The following SUPT3H variants were observed in gnomAD, a reference collection of about 807,000 sequenced individuals.
SUPT3H encodes transcription initiation protein SPT3 homolog.
SUPT3H carries 44 observed loss-of-function variants against 44.3 expected under a neutral mutation model. The observed-to-expected ratio is 0.99, with a 90% CI of 0.78 to 1.28. The LOEUF is 1.28. Ranked by LOEUF, SUPT3H falls within the 50% of genes most tolerant of loss-of-function variation. The probability of loss-of-function intolerance (pLI) is 0.00; values close to 1 mark genes in which losing one functional copy is unlikely to be tolerated. For missense variants in SUPT3H, 380 were observed against 387.1 expected (o/e 0.98, Z 0.15); for synonymous variants, 124 against 125.6 (o/e 0.99, Z 0.09).
intron 2 of SUPT3H, among the ~76,000 whole-genome samples, chr6:45,261,008 G>A (rs1196254203): frequency 6.6e-6 from 1 of 152,018 alleles, no homozygotes; most frequent in African/African-American, 2.4e-5. Context: ...GCCAGCTGAT[G>A]TTTATAACTG....
intron 10 of SUPT3H, among the ~76,000 whole-genome samples, chr6:44,888,661 A>T (rs923988537): frequency 2.7e-4 from 41 of 152,238 alleles, no homozygotes; most frequent in Non-Finnish European, 4.6e-4. Context: ...CCAATATCAT[A>T]CTGAATGGGC....
At chr6:45,201,160 G>C (rs1014277006) in intron 2 of SUPT3H, among the ~76,000 whole-genome samples, 9 of 151,410 alleles carry the variant, frequency 5.9e-5, no homozygotes, top group Admixed American at 1.3e-4. Flanking sequence ...TGAATGATAC[G>C]GGTAACATAA....
At chr6:45,336,387 C>T (rs1366895701) in intron 2 of SUPT3H, among the ~76,000 whole-genome samples, 1 of 151,302 alleles carries the variant, frequency 6.6e-6, no homozygotes, top group African/African-American at 2.4e-5. Context: ...ATAAAGTGAT[C>T]TGTTTTTAAC....
chr6:45,025,503 T>C (rs1785829130), intron 3 of SUPT3H, among the ~76,000 whole-genome samples: 1 of 152,230 alleles, frequency 6.6e-6, no homozygotes, highest in African/African-American at 2.4e-5. Flanking sequence ...AGTTAAGCTA[T>C]GTAAAATCGA....
At chr6:45,237,062 T>C (rs1769302710) in intron 2 of SUPT3H, among the ~76,000 whole-genome samples, 1 of 152,156 alleles carries the variant, frequency 6.6e-6, no homozygotes, top group South Asian at 2.1e-4. Context: ...GCACAACTCC[T>C]GACTGTGCCA....
At position 44,988,427 on chromosome 6, in the gene SUPT3H, A is replaced by T. The variant is rs185528695; in HGVS notation, c.504+15226T>A. ...ATATAAAACACCCAGCCATTTGGAA[A>T]ATATATATCTATATATTTTAAATAT... On this transcript the variant is annotated intron_variant, in intron 6 of 10. Transcript: ENST00000371459. 1.9e-3 allele frequency among the ~76,000 whole-genome samples: 288 copies of T among 150,886 alleles called. 1 individual carries two copies. Among genetic ancestry groups the T allele is most frequent in the African/African-American group, 6.3e-3 (261 of 41,304 alleles).
chr6:45,252,094 T>C (rs1179960392), intron 2 of SUPT3H, among the ~76,000 whole-genome samples: 1 of 152,168 alleles, frequency 6.6e-6, no homozygotes, highest in Non-Finnish European at 1.5e-5. Flanking sequence ...AAAACAAGAA[T>C]GGATGAGAAA....
intron 2 of SUPT3H, among the ~76,000 whole-genome samples, chr6:45,144,393 TA>T (rs1236974927): frequency 6.6e-6 from 1 of 151,898 alleles, no homozygotes; most frequent in Non-Finnish European, 1.5e-5. Flanking sequence ...AAACAGAATT[TA>T]AAACAACAGT....
chr6:45,106,629 C>G (rs188769857), intron 2 of SUPT3H, among the ~76,000 whole-genome samples: 1 of 151,878 alleles, frequency 6.6e-6, no homozygotes, highest in Non-Finnish European at 1.5e-5. Context: ...CTCCGCCTCC[C>G]GGGTTCAAGC....
At chr6:44,974,331 G>T (rs959626951) in intron 6 of SUPT3H, among the ~76,000 whole-genome samples, 2 of 151,852 alleles carry the variant, frequency 1.3e-5, no homozygotes, top group Non-Finnish European at 2.9e-5. Context: ...GTGTGTTTGT[G>T]TTTGTGTAAT....
chr6:45,294,518 T>A (rs1335151157), intron 2 of SUPT3H, among the ~76,000 whole-genome samples: 1 of 151,888 alleles, frequency 6.6e-6, no homozygotes, highest in East Asian at 1.9e-4. Context: ...GGCATCCACA[T>A]CAGTAAAGAG....
At chr6:44,881,610 T>C (rs1395348991) in intron 10 of SUPT3H, among the ~76,000 whole-genome samples, 4 of 152,194 alleles carry the variant, frequency 2.6e-5, no homozygotes, top group African/African-American at 9.7e-5. Context: ...ACATTGCACT[T>C]ATTCTAAAAT....
At chr6:45,106,631 G>T (rs1799325493) in intron 2 of SUPT3H, among the ~76,000 whole-genome samples, 2 of 151,954 alleles carry the variant, frequency 1.3e-5, no homozygotes, top group South Asian at 4.2e-4. Context: ...CCGCCTCCCG[G>T]GTTCAAGCAA....
At chr6:45,027,208 T>C (rs1786164786) in intron 3 of SUPT3H, among the ~76,000 whole-genome samples, 1 of 151,982 alleles carries the variant, frequency 6.6e-6, no homozygotes, top group Non-Finnish European at 1.5e-5. Flanking sequence ...CCAGGCTGGC[T>C]GGGAACTTCT....
chr6:45,095,270 T>G lies in SUPT3H; in HGVS notation c.186+10652A>C, dbSNP rs561790857. ...TTAGTTTGTCCTATTTTGATAACCC[T>G]TATAATTGAAATTCTACATAGGAAA... On this transcript the variant is annotated intron_variant, in intron 3 of 10. Coordinates refer to ENST00000371459, the MANE Select transcript of SUPT3H (RefSeq NM_003599.4). This position sits in a 1 kb window ranked among gnomAD's most constrained non-coding sequence, Gnocchi z 4.1. Among the ~76,000 whole-genome samples, 1 of 152,276 alleles carries G rather than the reference T, an allele frequency of 6.6e-6. No individual in the cohort carries two copies. Among genetic ancestry groups the G allele is most frequent in the East Asian group, 1.9e-4 (1 of 5,184 alleles).
intron 7 of SUPT3H, among the ~76,000 whole-genome samples, chr6:44,956,765 A>G (rs1056384619): frequency 6.6e-6 from 1 of 152,126 alleles, no homozygotes; most frequent in Non-Finnish European, 1.5e-5. Context: ...ATGCTCTGCC[A>G]TCACTCTTCT....
intron 3 of SUPT3H, among the ~76,000 whole-genome samples, chr6:45,047,040 C>T (rs1035692326): frequency 2.6e-5 from 4 of 152,220 alleles, no homozygotes; most frequent in Middle Eastern, 3.4e-3. Context: ...TGAATTTTGT[C>T]GATTAACATT....
At chr6:44,838,428 G>A (rs1420339950) in intron 10 of SUPT3H, among the ~76,000 whole-genome samples, 1 of 151,916 alleles carries the variant, frequency 6.6e-6, no homozygotes, top group Non-Finnish European at 1.5e-5. Context: ...GTGTAAGAGG[G>A]CAGTAGAGGG....
chr6:45,189,753 AC>A (rs1303869864), intron 2 of SUPT3H, among the ~76,000 whole-genome samples: 1 of 152,088 alleles, frequency 6.6e-6, no homozygotes, highest in Non-Finnish European at 1.5e-5. Context: ...TACCTTTGAG[AC>A]CCCTTTTTTA....
Sources: allele counts gnomAD v4.1 joint callset (sites outside exome capture counted in the v4.1 genomes callset), GRCh38; gene constraint gnomAD v4.1.1; non-coding constraint Gnocchi (gnomAD v3.1); transcripts MANE v1.5; gene names NCBI Gene and HGNC (gene_info 2026-07-23, HGNC 2026-07-21).